ASCC3: variants seen among roughly 807,000 people sequenced by gnomAD.
The protein encoded by ASCC3 is activating signal cointegrator 1 complex subunit 3.
A neutral mutation model predicts 256.3 loss-of-function variants in ASCC3; 158 were observed. That is an observed-to-expected ratio of 0.62 (90% CI 0.54 to 0.70). The LOEUF (loss-of-function observed/expected upper bound fraction) is 0.70, where lower values mean the gene tolerates loss of function less well. Ranked by LOEUF, ASCC3 falls within the 30% of genes least tolerant of loss-of-function variation. The pLI is 0.00. For missense variants in ASCC3, 2,259 were observed against 2,626.0 expected (o/e 0.86, Z 3.05); for synonymous variants, 948 against 883.4 (o/e 1.07, Z -1.30).
chr6:100,859,353 T>C (rs1773113686), intron 3 of ASCC3: 7 of 689,188 alleles, frequency 1.0e-5, no homozygotes, highest in Non-Finnish European at 1.6e-5. Context: ...GTATTCTCTG[T>C]AGAGGGTTGT....
At chr6:100,608,146 CT>C in intron 30 of ASCC3, among the ~76,000 whole-genome samples, 1 of 41,092 alleles carries the variant, frequency 2.4e-5, no homozygotes, top group South Asian at 6.3e-4. Flanking sequence ...GTATATATAT[CT>C]ATATATACAT....
chr6:100,582,249 T>C (rs1157086004), intron 36 of ASCC3, among the ~76,000 whole-genome samples: 3 of 152,086 alleles, frequency 2.0e-5, no homozygotes, highest in Non-Finnish European at 2.9e-5. Context: ...GTTTGTATCG[T>C]CTTTTATTTC....
chr6:100,530,777 T>C (rs1554188272), intron 37 of ASCC3: 2 of 1,026,910 alleles, frequency 1.9e-6, no homozygotes, highest in African/African-American at 3.1e-5. Flanking sequence ...TTGCAAAGAA[T>C]CCAAGACAAA....
intron 10 of ASCC3, among the ~76,000 whole-genome samples, chr6:100,749,282 C>T (rs1431968432): frequency 6.6e-6 from 1 of 151,936 alleles, no homozygotes; most frequent in Non-Finnish European, 1.5e-5. Flanking sequence ...TCAAATGTCA[C>T]ATAATATGAA....
At chr6:100,582,127 T>G (rs960513980) in intron 36 of ASCC3, among the ~76,000 whole-genome samples, 28 of 151,900 alleles carry the variant, frequency 1.8e-4, no homozygotes, top group South Asian at 4.2e-4. Flanking sequence ...GTGAAGAAAG[T>G]CATTGGTAGC....
intron 1 of ASCC3, among the ~76,000 whole-genome samples, chr6:100,878,782 C>T (rs1303891602): frequency 6.6e-6 from 1 of 152,224 alleles, no homozygotes; most frequent in Non-Finnish European, 1.5e-5. Flanking sequence ...TCTCACACGA[C>T]AACCATCAAC....
At chr6:100,754,248 A>G (rs1255225898) in intron 10 of ASCC3, among the ~76,000 whole-genome samples, 1 of 152,214 alleles carries the variant, frequency 6.6e-6, no homozygotes, top group African/African-American at 2.4e-5. Context: ...AAACAAATGT[A>G]CTTTAACATA....
intron 30 of ASCC3, among the ~76,000 whole-genome samples, chr6:100,608,912 C>T (rs1157457454): frequency 5.5e-5 from 8 of 146,476 alleles, no homozygotes; most frequent in Non-Finnish European, 9.0e-5. Context: ...TACAGGTGCC[C>T]GCCAACATGC....
intron 36 of ASCC3, among the ~76,000 whole-genome samples, chr6:100,541,716 G>A (rs190078806): frequency 8.9e-4 from 136 of 152,200 alleles, no homozygotes; most frequent in Non-Finnish European, 1.3e-3. Flanking sequence ...TCCAATTAAT[G>A]ATTATCAACT....
At position 100,608,254 on chromosome 6, in the gene ASCC3, TTATA is replaced by T. The variant is rs371521309; in HGVS notation, c.4786-1170_4786-1167del. Among the ~76,000 whole-genome samples, 45 of 72,148 alleles carry T rather than the reference TTATA, an allele frequency of 6.2e-4. 5 individuals carry two copies. Among genetic ancestry groups the T allele is most frequent in the East Asian group, 3.4e-3 (3 of 890 alleles). 47.3% of individuals were successfully genotyped at this position (72,148 alleles called of 152,430 possible). A position where few individuals can be genotyped will look rare whatever the true frequency, so the allele number is the denominator to read the frequency against. Reference sequence around the variant, plus strand: ...ATACTTTATACTTTATATATATACTTTATATATACTTTATATATATACTTTATAT... The same window carrying T: ...ATACTTTATACTTTATATATATACTTTATACTTTATATATATACTTTATAT... On this transcript the variant is annotated intron_variant, in intron 30 of 41. Coordinates refer to ENST00000369162, the MANE Select transcript of ASCC3 (RefSeq NM_006828.4).
intron 25 of ASCC3, among the ~76,000 whole-genome samples, chr6:100,636,045 T>G (rs1774827479): frequency 1.3e-5 from 2 of 152,300 alleles, no homozygotes; most frequent in South Asian, 4.1e-4. Context: ...GAAATTCAAC[T>G]GGAGGACTAC....
chr6:100,509,613 G>T (rs1773653778), intron 41 of ASCC3, 80 bp from the exon 42 acceptor site: 1 of 1,405,980 alleles, frequency 7.1e-7, no homozygotes, highest in Non-Finnish European at 9.8e-7. Flanking sequence ...AACTTTGGTA[G>T]TAGGAGGCTG....
rs1406962721 is a variant in ASCC3 at position 100,671,123 on chromosome 6, CAA to C, written c.2286+8493_2286+8494del. ...TAAAACATATACCCATGCACACAGG[CAA>C]ACACACAATGGTTGTTGTACAAATC... On this transcript the variant is annotated intron_variant, in intron 14 of 41. Transcript: ENST00000369162. Among the ~76,000 whole-genome samples the C allele has an allele frequency of 2.6e-5, 4 of 152,014 alleles. No individual in the cohort carries two copies. In the East Asian group the frequency reaches 7.7e-4, roughly 29 times the overall value.
chr6:100,714,559 T>C (rs569956797), intron 13 of ASCC3, among the ~76,000 whole-genome samples: 1 of 152,136 alleles, frequency 6.6e-6, no homozygotes, highest in African/African-American at 2.4e-5. Flanking sequence ...GCCTCATAGG[T>C]TGCAGAGAAA....
In ASCC3 at chr6:100,644,130, C is replaced by G; in HGVS notation, c.3634-1G>C. 6.2e-7 allele frequency: 1 copy of G among 1,603,478 alleles called. No homozygotes were observed. Among genetic ancestry groups the G allele is most frequent in the Non-Finnish European group, 8.5e-7 (1 of 1,171,030 alleles). ...AAGGTTCTCCTACTGTCCCATGTAC[C>G]TAGAAGAAAAATAGCATCCTGCTAC... On this transcript the variant is annotated splice_acceptor_variant, in intron 22 of 41. Transcript: ENST00000369162. LOFTEE classifies it high-confidence loss of function.
At position 100,509,416 on chromosome 6, in the gene ASCC3, A is replaced by G. The variant is rs200907162; in HGVS notation, c.6579T>C (p.Ser2193=). ...TTAATGCCAGGTCAGTCAGGGAATC[A>G]GAGACCTTGGTGTTGACCTGTGCAG... ...SLSAQVNTKV[S]DSLTDLALK is the part of the protein sequence containing the mutation. Residue 2193 remains serine, a synonymous_variant, in exon 42 of 42, where the codon TCT becomes TCC. Coordinates refer to ENST00000369162, the MANE Select transcript of ASCC3 (RefSeq NM_006828.4). 1 of 1,614,110 alleles carries G rather than the reference A, an allele frequency of 6.2e-7. No individual in the cohort carries two copies. Among genetic ancestry groups the G allele is most frequent in the African/African-American group, 1.3e-5 (1 of 74,938 alleles).
chr6:100,859,154 T>C lies in ASCC3; in HGVS notation c.241+4910A>G. 5.1e-6 allele frequency: 4 copies of C among 780,144 alleles called. No individual in the cohort carries two copies. The South Asian group carries it at 5.4e-5, about 10-fold the overall frequency. 48.3% of individuals were successfully genotyped at this position (780,144 alleles called of 1,614,324 possible). A position where few individuals can be genotyped will look rare whatever the true frequency, so the allele number is the denominator to read the frequency against. The stretch of plus-strand genomic sequence containing the variant: ...GTCAGAAGCTCTGCTCATCTTCTCA[T>C]CCTCCTCTTTTCCATCCAGCCTCCT... On this transcript the variant is annotated intron_variant, in intron 3 of 41. Transcript: ENST00000369162.
intron 8 of ASCC3, among the ~76,000 whole-genome samples, chr6:100,786,677 C>T (rs1160846686): frequency 2.0e-5 from 3 of 152,096 alleles, no homozygotes; most frequent in Admixed American, 1.3e-4. Context: ...TTAACAGAGA[C>T]TCTTTAGCTT....
chr6:100,866,353 C>G (rs575314291), intron 2 of ASCC3, among the ~76,000 whole-genome samples: 1 of 152,294 alleles, frequency 6.6e-6, no homozygotes, highest in East Asian at 1.9e-4. Flanking sequence ...GTTTCTTGTG[C>G]CTTTTGAAAC....
Sources: gnomAD v4.1 joint callset for allele counts (sites outside exome capture counted in the v4.1 genomes callset) on GRCh38, gnomAD v4.1.1 for gene constraint, MANE v1.5 for transcripts, NCBI Gene and HGNC (gene_info 2026-07-23, HGNC 2026-07-21) for gene names.